Variants in PKD1L3 observed in about 807,000 individuals in gnomAD.
PKD1L3 encodes polycystin-1-like protein 3.
PKD1L3 carries 239 observed loss-of-function variants against 184.1 expected under a neutral mutation model. The observed-to-expected ratio is 1.30, with a 90% CI of 1.17 to 1.45. The LOEUF is 1.45. PKD1L3 is among the 40% of genes most tolerant of loss of function. PKD1L3 has a pLI of 0.00. For synonymous variants in PKD1L3, 996 were observed against 778.8 expected (o/e 1.28, Z -4.64); for missense variants, 2,660 against 2,067.2 (o/e 1.29, Z -5.56).
rs761207087 is a variant in PKD1L3, at chr16:71,944,143, G to C, written c.3746C>G (p.Ser1249Ter). Residue 1249 changes from serine (S) to a stop codon, truncating the protein, a stop_gained, in exon 23 of 30, where the codon TCA becomes TGA. Transcript: ENST00000620267. LOFTEE classifies it high-confidence loss of function. ...LAKCSSSVPG[S>*]RDKNNPVYVA... is the part of the protein sequence containing the mutation. ...ATAGACGGGGTTGTTCTTATCTCTT[G>C]AACCTGGTACTGACGAAGAACATTT... 82 of 1,550,718 alleles carry C rather than the reference G, an allele frequency of 5.3e-5. No individual in the cohort carries two copies. The highest frequency in any genetic ancestry group is 6.9e-5 in the Non-Finnish European group (79 of 1,146,378).
In PKD1L3 at chr16:71,937,439, C is replaced by G; in HGVS notation, c.4325-20G>C. ...AAGCACCTGAGAATAACAAAGAACA[C>G]CTGGAGTCAAGAGTCTAAAACTTTT... On this transcript the variant is annotated intron_variant, in intron 24 of 29. Coordinates refer to ENST00000620267, the MANE Select transcript of PKD1L3 (RefSeq NM_181536.2). 6.5e-7 allele frequency: 1 copy of G among 1,548,168 alleles called. No homozygotes were observed. Among genetic ancestry groups the G allele is most frequent in the Non-Finnish European group, 8.7e-7 (1 of 1,145,988 alleles).
chr16:71,938,901 G>C (rs563437016), intron 24 of PKD1L3, among the ~76,000 whole-genome samples: 8 of 152,354 alleles, frequency 5.3e-5, no homozygotes, highest in South Asian at 2.1e-4. Context: ...GGGACCCGCT[G>C]AGTGGTGGGA....
Position 71,963,777 on chromosome 16 carries a change from T to G in PKD1L3, c.2466-426A>C, listed in dbSNP as rs182916462. On this transcript the variant is annotated intron_variant, in intron 15 of 29. Transcript: ENST00000620267. ...TAGCTTGGGTGACAGAATGAGACTCTGTCAAAAAAAACAAAAAGAAAAGAG... is the reference window on the plus strand; with the variant it reads ...TAGCTTGGGTGACAGAATGAGACTCGGTCAAAAAAAACAAAAAGAAAAGAG... Among the ~76,000 whole-genome samples the G allele has an allele frequency of 9.4e-4, 139 of 148,038 alleles. 1 individual carries two copies. In the East Asian group the frequency reaches 0.025, roughly 27 times the overall value.
intron 11 of PKD1L3, among the ~76,000 whole-genome samples, chr16:71,976,959 G>C (rs552396380): frequency 3.2e-4 from 48 of 152,274 alleles, no homozygotes; most frequent in African/African-American, 1.1e-3. Context: ...TAGCCAGGAT[G>C]GTCTCGATCT....
In PKD1L3 at chr16:71,963,195, C is replaced by T; in HGVS notation, c.2612+10G>A. 1 of 1,538,556 alleles carries T rather than the reference C, an allele frequency of 6.5e-7. No homozygotes were observed. The highest frequency in any genetic ancestry group is 8.8e-7 in the Non-Finnish European group (1 of 1,140,322). Reference sequence around the variant, plus strand: ...AATATTCACTGTTAATAGTAATTTTCCAACAGTACCTAAAGGAAAAGAGCT... The same window carrying T: ...AATATTCACTGTTAATAGTAATTTTTCAACAGTACCTAAAGGAAAAGAGCT... On this transcript the variant is annotated intron_variant, in intron 16 of 29. Transcript: ENST00000620267.
intron 13 of PKD1L3, among the ~76,000 whole-genome samples, chr16:71,968,576 T>G (rs1355535596): frequency 6.6e-6 from 1 of 152,158 alleles, no homozygotes; most frequent in African/African-American, 2.4e-5. Flanking sequence ...ACATGCCATA[T>G]AAATTTCTTG....
chr16:71,964,514 T>C (rs1485153936), intron 15 of PKD1L3, among the ~76,000 whole-genome samples: 2 of 151,314 alleles, frequency 1.3e-5, no homozygotes, highest in Admixed American at 6.6e-5. Flanking sequence ...AGTTTTTGTA[T>C]TTTTAGTAGA....
intron 3 of PKD1L3, 82 bp from the exon 4 acceptor site, chr16:71,990,411 T>C (rs1338255637): frequency 1.7e-6 from 2 of 1,189,340 alleles, no homozygotes; most frequent in East Asian, 5.4e-5. Flanking sequence ...TTCTTATTCA[T>C]GGCTAAAAAT....
chr16:71,976,271 T>TTTTTTTTTTTA (rs1437397060), intron 11 of PKD1L3, among the ~76,000 whole-genome samples: 9 of 140,718 alleles, frequency 6.4e-5, no homozygotes, highest in African/African-American at 2.3e-4. Flanking sequence ...TGTCTTTTTT[T>TTTTTTTTTTTA]TTTTTTTTTA....
intron 19 of PKD1L3, 101 bp downstream of exon 19, chr16:71,951,463 T>A (rs1334171041): frequency 9.1e-6 from 11 of 1,206,098 alleles, no homozygotes; most frequent in Non-Finnish European, 1.3e-5. Context: ...ACCAGAAGGT[T>A]GTATCAGGCC....
At chr16:71,933,842 A>G in intron 27 of PKD1L3, 73 bp downstream of exon 27, 2 of 1,494,452 alleles carry the variant, frequency 1.3e-6, no homozygotes, top group Non-Finnish European at 1.8e-6. Flanking sequence ...TGTTGTGACC[A>G]TTTCTATGGG....
At chr16:71,945,166 C>T (rs2038518628) in intron 22 of PKD1L3, among the ~76,000 whole-genome samples, 1 of 66,384 alleles carries the variant, frequency 1.5e-5, no homozygotes, top group South Asian at 8.8e-4. Context: ...GAGCACTGTT[C>T]TATAGTGGTA....
At chr16:71,992,508 C>G (rs1200972772) in intron 3 of PKD1L3, among the ~76,000 whole-genome samples, 1 of 152,178 alleles carries the variant, frequency 6.6e-6, no homozygotes, top group Admixed American at 6.6e-5. Context: ...ATCATCAGAA[C>G]AACTTTTGGA....
At chr16:71,951,521 G>A (rs2038833519) in intron 19 of PKD1L3, 43 bp downstream of exon 19, 2 of 1,511,174 alleles carry the variant, frequency 1.3e-6, no homozygotes, top group East Asian at 2.5e-5. Flanking sequence ...AAGGGAGTGG[G>A]AGGCAGATGG....
In PKD1L3 at chr16:71,944,161, G is replaced by A; in HGVS notation, c.3728C>T (p.Ser1243Phe). ...ATCTCTTGAACCTGGTACTGACGAA[G>A]AACATTTTGCTGTCAAAAATTCAAA... ...KRILALLAKCSSSVPGSRDKN... is the reference protein window; with the variant it reads ...KRILALLAKCFSSVPGSRDKN... Residue 1243 changes from serine (S) to phenylalanine (F), a missense_variant, in exon 23 of 30, where the codon TCT (serine) becomes TTT (phenylalanine). Ser to Phe is a radical substitution (Grantham distance 155). Coordinates refer to ENST00000620267, the MANE Select transcript of PKD1L3 (RefSeq NM_181536.2). The A allele has an allele frequency of 1.3e-6, 2 of 1,549,170 alleles. No homozygotes were observed. Among genetic ancestry groups the A allele is most frequent in the Non-Finnish European group, 8.7e-7 (1 of 1,145,796 alleles).
chr16:71,939,446 C>G (rs2038288261), intron 24 of PKD1L3, among the ~76,000 whole-genome samples: 1 of 152,102 alleles, frequency 6.6e-6, no homozygotes, highest in South Asian at 2.1e-4. Flanking sequence ...CAAAGCAACA[C>G]CCTAAGGATG....
intron 28 of PKD1L3, among the ~76,000 whole-genome samples, chr16:71,933,131 CAAGCACAA>C (rs774661067): frequency 2.0e-5 from 3 of 151,962 alleles, no homozygotes; most frequent in Non-Finnish European, 4.4e-5. Flanking sequence ...TTAATCTGGC[CAAGCACAA>C]GAGCACAAGC....
chr16:71,976,989 C>T (rs574574598), intron 11 of PKD1L3, among the ~76,000 whole-genome samples: 14 of 152,272 alleles, frequency 9.2e-5, no homozygotes, highest in East Asian at 1.9e-4. Context: ...GTGATCTGCC[C>T]GCCTCGGCCT....
chr16:71,933,645 C>T (rs553296942), intron 27 of PKD1L3, 124 bp from the exon 28 acceptor site: 4 of 772,980 alleles, frequency 5.2e-6, no homozygotes, highest in Non-Finnish European at 4.4e-6. Flanking sequence ...AAATTATGCC[C>T]AAAGAATACA....
Sources: allele counts gnomAD v4.1 joint callset (sites outside exome capture counted in the v4.1 genomes callset), GRCh38; gene constraint gnomAD v4.1.1; transcripts MANE v1.5; gene names NCBI Gene and HGNC (gene_info 2026-07-23, HGNC 2026-07-21).